RP1: variants seen among roughly 807,000 people sequenced by gnomAD.
RP1 encodes the protein oxygen-regulated protein 1.
A neutral mutation model predicts 14.8 loss-of-function variants in RP1; 16 were observed. That is an observed-to-expected ratio of 1.08 (90% CI 0.73 to 1.65). RP1 has a LOEUF of 1.65. Among genes scored for constraint, RP1 ranks in the 40% most tolerant of loss-of-function variants. RP1 has a pLI of 0.00. For missense variants in RP1, 2,631 were observed against 2,535.0 expected, an observed-to-expected ratio of 1.04 and a Z score of -0.81; for synonymous variants, 876 against 883.6, an observed-to-expected ratio of 0.99 and a Z score of 0.15.
chr8:54,663,921 G>A, intron 7 of RP1: 1 of 1,344,466 alleles, frequency 7.4e-7, no homozygotes, highest in East Asian at 2.6e-5. Context: ...ATTTACTGTT[G>A]TAACTATTCT....
chr8:54,629,536 C>A lies in RP1; in HGVS notation c.5654C>A (p.Ala1885Asp), dbSNP rs2129318313. 6.2e-7 allele frequency: 1 copy of A among 1,614,050 alleles called. No individual in the cohort carries two copies. The highest frequency in any genetic ancestry group is 8.5e-7 in the Non-Finnish European group (1 of 1,179,990). ...AAAGTCTACCCTGTCTCTGATGATG[C>A]TATTAAAAACCAACCATTGCCTGGC... is the stretch of plus-strand genomic sequence containing the variant. The part of the protein sequence containing the change: ...GNKVYPVSDD[A>D]IKNQPLPGSN... The change falls in exon 4 of 4, where the codon GCT becomes GAT. Residue 1885 changes from alanine (A) to aspartate (D), a missense_variant. Ala to Asp is a moderately radical substitution (Grantham distance 126, BLOSUM62 -2). Transcript: ENST00000220676.
At chr8:54,631,691 A>G (rs928163009), downstream of RP1, among the ~76,000 whole-genome samples, 1 of 151,010 alleles carries the variant, frequency 6.6e-6, no homozygotes, top group Non-Finnish European at 1.5e-5. Flanking sequence ...TTTAAAGCTG[A>G]TTCTCAGTAT....
chr8:54,717,046 T>C (rs975658042), intron 15 of RP1, among the ~76,000 whole-genome samples: 22 of 152,144 alleles, frequency 1.4e-4, no homozygotes, highest in Admixed American at 3.9e-4. Context: ...CCTCTCTTCT[T>C]GTGGGGTGGC....
chr8:54,626,678 A>G lies in RP1; in HGVS notation c.2796A>G (p.Ile932Met), dbSNP rs774871461. The G allele has an allele frequency of 3.1e-6, 5 of 1,613,978 alleles. No individual in the cohort carries two copies. Among genetic ancestry groups the G allele is most frequent in the Admixed American group, 3.3e-5 (2 of 60,006 alleles). ...NINPYPTLKP[I>M]KSAPVCRNET... is the part of the protein sequence containing the mutation. ...ATCCATATCCAACTTTAAAGCCTATAAAATCAGCTCCAGTATGTAGAAATG... is the reference window on the plus strand; with the variant it reads ...ATCCATATCCAACTTTAAAGCCTATGAAATCAGCTCCAGTATGTAGAAATG... Residue 932 changes from isoleucine to methionine, a missense_variant, in exon 4 of 4, where the codon ATA (isoleucine) becomes ATG (methionine). Physicochemically the swap from Ile to Met is conservative, Grantham distance 10. Coordinates refer to ENST00000220676, the MANE Select transcript of RP1 (RefSeq NM_006269.2).
At chr8:54,774,815 CA>C (rs1809994199), downstream of RP1, among the ~76,000 whole-genome samples, 1 of 152,142 alleles carries the variant, frequency 6.6e-6, no homozygotes, top group Non-Finnish European at 1.5e-5. Context: ...ACATCACCAT[CA>C]AAAGCCTACT....
intron 1 of RP1, among the ~76,000 whole-genome samples, chr8:54,572,483 T>C (rs1289022683): frequency 6.6e-6 from 1 of 152,262 alleles, no homozygotes; most frequent in Non-Finnish European, 1.5e-5. Flanking sequence ...CAACATACTC[T>C]CTGTAAAGCA....
chr8:54,611,208 G>A (rs1005341829), upstream of RP1, among the ~76,000 whole-genome samples: 3 of 152,082 alleles, frequency 2.0e-5, no homozygotes, highest in East Asian at 1.9e-4. Flanking sequence ...GTAGTTCATC[G>A]AACTTTTGAA....
At chr8:54,719,547 T>TA (rs1808486550) in intron 15 of RP1, among the ~76,000 whole-genome samples, 2 of 152,228 alleles carry the variant, frequency 1.3e-5, no homozygotes, top group African/African-American at 4.8e-5. Flanking sequence ...TTTCTAATAT[T>TA]AGATTATAAA....
chr8:54,600,425 T>C (rs1805248235), intron 1 of RP1, among the ~76,000 whole-genome samples: 1 of 152,226 alleles, frequency 6.6e-6, no homozygotes, highest in Non-Finnish European at 1.5e-5. Context: ...TGGTCTCATT[T>C]ACCCTGCAGA....
chr8:54,730,384 A>G (rs1314515562), intron 17 of RP1, among the ~76,000 whole-genome samples: 2 of 152,016 alleles, frequency 1.3e-5, no homozygotes, highest in African/African-American at 4.8e-5. Context: ...TTCTTCTTAT[A>G]TATGGTTTTA....
intron 24 of RP1, among the ~76,000 whole-genome samples, chr8:54,803,025 C>A (rs1221881079): frequency 2.0e-5 from 3 of 151,870 alleles, no homozygotes. Context: ...TCCTATGCAT[C>A]TTTGTGCTTC....
At chr8:54,818,979 T>G (rs958749302) in intron 24 of RP1, among the ~76,000 whole-genome samples, 1 of 151,798 alleles carries the variant, frequency 6.6e-6, no homozygotes, top group Non-Finnish European at 1.5e-5. Context: ...GGGTGGGGAC[T>G]GGGGATGGGA....
At chr8:54,775,437 T>A (rs954835007) in intron 23 of RP1, among the ~76,000 whole-genome samples, 3 of 152,172 alleles carry the variant, frequency 2.0e-5, no homozygotes, top group Non-Finnish European at 4.4e-5. Context: ...TGTTAGTCTT[T>A]AGAATCCAGC....
rs780818694 is a variant in RP1 at position 54,625,074 on chromosome 8, A to G, written c.1192A>G (p.Ser398Gly). The G allele has an allele frequency of 6.2e-7, 1 of 1,614,208 alleles. No individual in the cohort carries two copies. Among genetic ancestry groups the G allele is most frequent in the Admixed American group, 1.7e-5 (1 of 60,030 alleles). ...SADVSPMERSSNQEGSLAEEI... is the reference protein window; with the variant it reads ...SADVSPMERSGNQEGSLAEEI... Reference sequence around the variant, plus strand: ...AGATGTGTCACCTATGGAGCGAAGCAGTAATCAAGAGGGCAGTTTGGCAGA... The same window carrying G: ...AGATGTGTCACCTATGGAGCGAAGCGGTAATCAAGAGGGCAGTTTGGCAGA... Residue 398 changes from serine to glycine, a missense_variant, in exon 4 of 4, where the codon AGT becomes GGT. Ser to Gly is a moderately conservative substitution (Grantham distance 56). Coordinates refer to ENST00000220676, the MANE Select transcript of RP1 (RefSeq NM_006269.2).
At chr8:54,622,001 C>G (rs1261886656) in intron 2 of RP1, 116 bp from the exon 3 acceptor site, 5 of 1,021,498 alleles carry the variant, frequency 4.9e-6, no homozygotes, top group Non-Finnish European at 7.5e-6. Flanking sequence ...AGAAAATGCT[C>G]AGTGATGATG....
chr8:54,639,780 G>T (rs1464847486), intron 3 of RP1, among the ~76,000 whole-genome samples: 1 of 151,968 alleles, frequency 6.6e-6, no homozygotes. Context: ...CATATTCTGG[G>T]TACAATATAT....
chr8:54,761,330 G>A (rs962215506), intron 22 of RP1, among the ~76,000 whole-genome samples: 17 of 147,360 alleles, frequency 1.2e-4, no homozygotes, highest in African/African-American at 3.8e-4. Context: ...TTCACCTCCT[G>A]GGTTGAAGCA....
intron 25 of RP1, among the ~76,000 whole-genome samples, chr8:54,839,375 C>G (rs1563392231): frequency 6.6e-6 from 1 of 152,208 alleles, no homozygotes; most frequent in Non-Finnish European, 1.5e-5. Flanking sequence ...AGGGTAAACA[C>G]ATGCCTACAA....
chr8:54,728,839 G>T lies in RP1; in HGVS notation c.2521+2363G>T, dbSNP rs143823845. ...TGGAAAATTTTAAACACACACAAAG[G>T]TAGAGATAATGGACAAATGAACCCC... On this transcript the variant is annotated intron_variant, in intron 17 of 22. Transcript: ENST00000636932. Among the ~76,000 whole-genome samples, 51 of 152,064 alleles carry T rather than the reference G, an allele frequency of 3.4e-4. No homozygotes were observed. The East Asian group carries it at 9.1e-3, about 27-fold the overall frequency.
Sources: gnomAD v4.1 joint callset for allele counts (sites outside exome capture counted in the v4.1 genomes callset) on GRCh38, gnomAD v4.1.1 for gene constraint, MANE v1.5 for transcripts, NCBI Gene and HGNC (gene_info 2026-07-23, HGNC 2026-07-21) for gene names.